PCDH11X: variants seen among roughly 807,000 people sequenced by gnomAD.
PCDH11X encodes the protein protocadherin-11 X-linked.
A neutral mutation model predicts 53.3 loss-of-function variants in PCDH11X; 18 were observed. The ratio of observed to expected loss-of-function variants is 0.34; its 90% CI spans 0.23 to 0.50. The LOEUF is 0.50. Among genes scored for constraint, PCDH11X ranks in the 20% least tolerant of loss-of-function variants. The pLI, the probability that PCDH11X is intolerant of heterozygous loss-of-function variation, is 0.98. For missense variants in PCDH11X, 570 were observed against 1,032.4 expected, an observed-to-expected ratio of 0.55 and a Z score of 6.14; for synonymous variants, 279 against 393.3, an observed-to-expected ratio of 0.71 and a Z score of 3.44.
At chrX:92,523,501 A>C (rs1043769470) in intron 10 of PCDH11X, among the ~76,000 whole-genome samples, 6 of 111,973 alleles carry the variant, frequency 5.4e-5, no homozygotes. Context: ...TGACGATTGA[A>C]ATTTGACATT....
chrX:92,466,501 C>T (rs748954102), intron 9 of PCDH11X, among the ~76,000 whole-genome samples: 1 of 108,932 alleles, frequency 9.2e-6, no homozygotes, highest in South Asian at 3.9e-4. Flanking sequence ...GAAAATGGTT[C>T]CTTTTCTGGA....
intron 10 of PCDH11X, among the ~76,000 whole-genome samples, chrX:92,471,239 T>C (rs1323721206): frequency 9.5e-6 from 1 of 105,585 alleles, no homozygotes; most frequent in Middle Eastern, 4.4e-3. Context: ...TTAGTTGTTT[T>C]TCCTGATCCT....
chrX:92,344,064 T>C (rs2148518291), intron 8 of PCDH11X, among the ~76,000 whole-genome samples: 1 of 109,296 alleles, frequency 9.1e-6, no homozygotes, highest in East Asian at 2.9e-4. Context: ...TAATTTGTGA[T>C]TTACAGACTA....
At chrX:91,952,057 C>A (rs1387588250) in intron 6 of PCDH11X, among the ~76,000 whole-genome samples, 1 of 110,467 alleles carries the variant, frequency 9.1e-6, no homozygotes, top group African/African-American at 3.3e-5. Context: ...CCCTAAGTAT[C>A]CCGAAAACAT....
In PCDH11X at chrX:92,554,692, C is replaced by CA. The variant is rs1273173265; in HGVS notation, c.3368-63566dup. ...TTTTTTATTAACTCTTTAATGGCTA[C>CA]AAAAAATAATTGAAATAAGTTTGTT... On this transcript the variant is annotated intron_variant, in intron 10 of 10. Coordinates refer to ENST00000682573, the MANE Select transcript of PCDH11X (RefSeq NM_032968.5). Among the ~76,000 whole-genome samples the CA allele has an allele frequency of 7.3e-5, 8 of 109,082 alleles. No homozygotes were observed. In the East Asian group the frequency reaches 2.0e-3, roughly 28 times the overall value. The allele number at this position is 109,082 out of a possible 115,157, so 94.7% of individuals were successfully genotyped here.
intron 6 of PCDH11X, among the ~76,000 whole-genome samples, chrX:92,180,074 G>A (rs1190372655): frequency 1.8e-5 from 2 of 112,211 alleles, no homozygotes; most frequent in Non-Finnish European, 3.8e-5. Flanking sequence ...CATTTCTGCA[G>A]GCTGTACAGG....
rs1295966588 is a variant in PCDH11X at position 92,256,074 on chromosome X, G to A, written c.3115-7040G>A. 7.1e-5 allele frequency among the ~76,000 whole-genome samples: 8 copies of A among 112,410 alleles called. No individual in the cohort carries two copies. The South Asian group carries it at 2.2e-3, about 31-fold the overall frequency. On this transcript the variant is annotated intron_variant, in intron 7 of 10. Transcript: ENST00000682573. ...AGTTTGATCTCAGACTGCTGTGCTA[G>A]CAATCAGCGAGACTCCGTGGGGTAG...
chrX:92,399,282 A>C (rs1364837743), intron 9 of PCDH11X, among the ~76,000 whole-genome samples: 1 of 110,270 alleles, frequency 9.1e-6, no homozygotes, highest in Non-Finnish European at 1.9e-5. Context: ...AATTTTGTTA[A>C]AATGCAAACT....
intron 6 of PCDH11X, among the ~76,000 whole-genome samples, chrX:92,132,657 GTA>G (rs780377449): frequency 9.2e-5 from 5 of 54,389 alleles, no homozygotes; most frequent in African/African-American, 2.1e-4. Context: ...ATATATATAT[GTA>G]TATATATATG....
chrX:92,230,689 A>G (rs1242023074), intron 7 of PCDH11X, among the ~76,000 whole-genome samples: 1 of 102,414 alleles, frequency 9.8e-6, no homozygotes. Flanking sequence ...GGATGTTATT[A>G]GAGTGACCAA....
chrX:92,366,102 C>A, intron 8 of PCDH11X, among the ~76,000 whole-genome samples: 1 of 110,078 alleles, frequency 9.1e-6, no homozygotes, highest in East Asian at 2.9e-4. Context: ...GGCTATGAAT[C>A]CATCTGGTCC....
At chrX:92,333,640 C>A (rs759777840) in intron 8 of PCDH11X, among the ~76,000 whole-genome samples, 1 of 111,524 alleles carries the variant, frequency 9.0e-6, no homozygotes, top group East Asian at 2.8e-4. Context: ...AGGTTGTAGA[C>A]AGCCAGGACA....
intron 6 of PCDH11X, among the ~76,000 whole-genome samples, chrX:91,970,243 A>C (rs2061936424): frequency 1.8e-5 from 2 of 111,154 alleles, no homozygotes; most frequent in Non-Finnish European, 3.8e-5. Context: ...AGCTTCCACC[A>C]CGTGGAAGGG....
intron 6 of PCDH11X, among the ~76,000 whole-genome samples, chrX:92,063,992 C>A (rs753925647): frequency 1.1e-3 from 120 of 108,826 alleles, no homozygotes; most frequent in African/African-American, 3.7e-3. Flanking sequence ...AAAACACTTT[C>A]TTGGGGTGGT....
In PCDH11X at chrX:92,495,860, C is replaced by G. The variant is rs1389749261; in HGVS notation, c.3367+27538C>G. ...TACCACAAGAGCGGTATGGGGGAAACTGCCCACATGATTCAAATTATCTCC... is the reference window on the plus strand; with the variant it reads ...TACCACAAGAGCGGTATGGGGGAAAGTGCCCACATGATTCAAATTATCTCC... On this transcript the variant is annotated intron_variant, in intron 10 of 10. Transcript: ENST00000682573. 3.8e-5 allele frequency among the ~76,000 whole-genome samples: 4 copies of G among 106,164 alleles called. No individual in the cohort carries two copies. In the East Asian group the frequency reaches 1.2e-3, roughly 31 times the overall value. 92.2% of individuals were successfully genotyped at this position (106,164 alleles called of 115,157 possible).
chrX:91,998,358 T>C (rs1490129015), intron 6 of PCDH11X, among the ~76,000 whole-genome samples: 1 of 112,033 alleles, frequency 8.9e-6, no homozygotes, highest in South Asian at 3.7e-4. Flanking sequence ...AGATTCTTTG[T>C]ATCTTTGTGG....
chrX:92,147,996 T>C lies in PCDH11X; in HGVS notation c.3034-53379T>C, dbSNP rs867009019. 2.1e-3 allele frequency among the ~76,000 whole-genome samples: 177 copies of C among 85,009 alleles called. 7 individuals are homozygous for C. The highest frequency in any genetic ancestry group is 9.8e-3 in the African/African-American group (164 of 16,741). 73.8% of individuals were successfully genotyped at this position (85,009 alleles called of 115,157 possible). On this transcript the variant is annotated intron_variant, in intron 6 of 10. Coordinates refer to ENST00000682573, the MANE Select transcript of PCDH11X (RefSeq NM_032968.5). ...TCCTTCCTTCCTTCCTTTCTTTCTT[T>C]CTTTCTTTCTTTTTCTTTCCTTCCT...
chrX:92,590,022 CTT>C (rs766992458), intron 10 of PCDH11X, among the ~76,000 whole-genome samples: 2 of 103,830 alleles, frequency 1.9e-5, no homozygotes, highest in African/African-American at 7.0e-5. Flanking sequence ...ATATATTTTT[CTT>C]TTTTTTTTTG....
At chrX:92,572,561 G>A (rs979498826) in intron 10 of PCDH11X, among the ~76,000 whole-genome samples, 5 of 106,284 alleles carry the variant, frequency 4.7e-5, no homozygotes, top group African/African-American at 1.7e-4. Flanking sequence ...AAAGTGAAAG[G>A]CAATTTTTAA....
Sources: allele counts gnomAD v4.1 joint callset (sites outside exome capture counted in the v4.1 genomes callset), GRCh38; gene constraint gnomAD v4.1.1; transcripts MANE v1.5; gene names NCBI Gene and HGNC (gene_info 2026-07-23, HGNC 2026-07-21).